Variants in ZFHX4 observed in about 807,000 individuals in gnomAD.
ZFHX4 encodes the protein zinc finger homeobox 4.
In ZFHX4, 56 loss-of-function variants were observed where a neutral mutation model predicts 267.6. The ratio of observed to expected loss-of-function variants is 0.21; its 90% CI spans 0.17 to 0.26. The LOEUF (loss-of-function observed/expected upper bound fraction) is 0.26, where lower values mean the gene tolerates loss of function less well. ZFHX4 is among the 10% of genes least tolerant of loss of function. The pLI is 1.00. For synonymous variants in ZFHX4, 1,778 were observed against 1,665.6 expected (o/e 1.07, Z -1.64); for missense variants, 4,332 against 4,420.0 (o/e 0.98, Z 0.56).
At chr8:76,856,460 C>T (rs1013625149) in intron 10 of ZFHX4, 160 bp downstream of exon 10, 2 of 871,212 alleles carry the variant, frequency 2.3e-6, no homozygotes. Context: ...AGCTAATTAC[C>T]AGGAAGTAGG....
intron 4 of ZFHX4, among the ~76,000 whole-genome samples, chr8:76,817,912 A>G (rs12334784): frequency 0.053 from 8,082 of 152,278 alleles, 388 homozygotes; most frequent in African/African-American, 0.13. Context: ...TTCTACTACT[A>G]CCATTATTGG....
At chr8:76,773,034 T>C (rs1366436823) in intron 3 of ZFHX4, among the ~76,000 whole-genome samples, 1 of 152,158 alleles carries the variant, frequency 6.6e-6, no homozygotes, top group African/African-American at 2.4e-5. Flanking sequence ...AACTTATTTC[T>C]TTAGGCCACG....
chr8:76,807,315 CT>C (rs1344051829), intron 4 of ZFHX4, among the ~76,000 whole-genome samples: 1 of 151,854 alleles, frequency 6.6e-6, no homozygotes, highest in Non-Finnish European at 1.5e-5. Flanking sequence ...AAAGGCTAAC[CT>C]TTAAATTACT....
chr8:76,726,266 G>A (rs1563486724), intron 3 of ZFHX4, among the ~76,000 whole-genome samples: 1 of 151,954 alleles, frequency 6.6e-6, no homozygotes, highest in African/African-American at 2.4e-5. Flanking sequence ...CAGACTGCAA[G>A]TTCTTCCCAG....
intron 4 of ZFHX4, among the ~76,000 whole-genome samples, chr8:76,804,804 T>A (rs1811206245): frequency 6.6e-6 from 1 of 152,082 alleles, no homozygotes; most frequent in African/African-American, 2.4e-5. Context: ...CATGGCGAAA[T>A]TCCACAGCTG....
At chr8:76,759,365 A>G (rs1585916377) in intron 3 of ZFHX4, among the ~76,000 whole-genome samples, 2 of 152,198 alleles carry the variant, frequency 1.3e-5, no homozygotes, top group East Asian at 3.8e-4. Flanking sequence ...TGGGTAGTTT[A>G]TTAAGTGTAA....
At position 76,856,202 on chromosome 8, in the gene ZFHX4, T is replaced by C; in HGVS notation, c.9281T>C (p.Leu3094Pro). 1 of 1,613,964 alleles carries C rather than the reference T, an allele frequency of 6.2e-7. No homozygotes were observed. Residue 3094 changes from leucine to proline, a missense_variant, in exon 10 of 11, where the codon CTG (leucine) becomes CCG (proline). By Grantham distance (98) the Leu-to-Pro change is moderately conservative. Coordinates refer to ENST00000651372, the MANE Select transcript of ZFHX4 (RefSeq NM_024721.5). ...AGCAGTTCTCTCCACGGCATCAGCC[T>C]GCCAACAGCCTACCCCGGACTCCCC... ...MDSSSLHGIS[L>P]PTAYPGLPGL...
At position 76,865,701 on chromosome 8, in the gene ZFHX4, T is replaced by C. The variant is rs527442327; in HGVS notation, c.*1136T>C. On this transcript the variant is annotated 3_prime_UTR_variant, in exon 11 of 11. Coordinates refer to ENST00000651372, the MANE Select transcript of ZFHX4 (RefSeq NM_024721.5). Reference sequence around the variant, plus strand: ...TTCTCGGGAAAGCAAAGAAGCTGCTTTAAAAAATAAAAAGGGGACTAAAAA... The same window carrying C: ...TTCTCGGGAAAGCAAAGAAGCTGCTCTAAAAAATAAAAAGGGGACTAAAAA... 10 of 152,666 alleles carry C rather than the reference T, an allele frequency of 6.6e-5. No homozygotes were observed. In the South Asian group the frequency reaches 2.1e-3, roughly 32 times the overall value. 9.5% of individuals were successfully genotyped at this position (152,666 alleles called of 1,614,324 possible).
chr8:76,759,323 T>C (rs1006589507), intron 3 of ZFHX4, among the ~76,000 whole-genome samples: 30 of 152,256 alleles, frequency 2.0e-4, no homozygotes, highest in Non-Finnish European at 2.4e-4. Context: ...GCTCTTGGTC[T>C]TAATCATTAC....
chr8:76,858,941 A>C (rs1812800523), intron 10 of ZFHX4, among the ~76,000 whole-genome samples: 1 of 152,164 alleles, frequency 6.6e-6, no homozygotes, highest in African/African-American at 2.4e-5. Flanking sequence ...CATCCCTTTG[A>C]AAGTAGGTTC....
chr8:76,844,299 C>T (rs1408287530), intron 6 of ZFHX4, among the ~76,000 whole-genome samples: 2 of 152,118 alleles, frequency 1.3e-5, no homozygotes, highest in African/African-American at 2.4e-5. Flanking sequence ...AGTACCAAAA[C>T]AGATTGTGGA....
chr8:76,760,158 A>G (rs1490313029), intron 3 of ZFHX4, among the ~76,000 whole-genome samples: 1 of 152,046 alleles, frequency 6.6e-6, no homozygotes, highest in Admixed American at 6.6e-5. Context: ...ATTTTTTATT[A>G]TTTCTCCTAA....
chr8:76,744,202 C>T (rs937779723), intron 3 of ZFHX4, among the ~76,000 whole-genome samples: 11 of 151,944 alleles, frequency 7.2e-5, no homozygotes, highest in African/African-American at 2.4e-4. Context: ...AAAAATTAGT[C>T]GGGTGTGGTG....
At position 76,705,419 on chromosome 8, in the gene ZFHX4, A is replaced by G; in HGVS notation, c.1331A>G (p.Asn444Ser). ...TCAGAGAGCAAAGACCAAGAGAACA[A>G]CTGTGAAAGGCCAAAAGAAAGCAAC... ...KMSESKDQEN[N>S]CERPKESNVL... Residue 444 changes from asparagine to serine, a missense_variant, in exon 2 of 11, where the codon AAC (asparagine) becomes AGC (serine). Asn to Ser is a conservative substitution (Grantham distance 46). Around this residue, in one of 7 missense-constraint regions of ZFHX4, gnomAD observed 1,195 missense variants for 1,173.6 expected, o/e 1.02. Coordinates refer to ENST00000651372, the MANE Select transcript of ZFHX4 (RefSeq NM_024721.5). 6.2e-7 allele frequency: 1 copy of G among 1,613,862 alleles called. No homozygotes were observed. The highest frequency in any genetic ancestry group is 1.6e-4 in the Middle Eastern group (1 of 6,062).
chr8:76,734,704 C>A (rs780234669), intron 3 of ZFHX4, among the ~76,000 whole-genome samples: 26 of 151,954 alleles, frequency 1.7e-4, no homozygotes, highest in Non-Finnish European at 3.1e-4. Context: ...TAAAGATTTG[C>A]AATAAAGCAT....
Position 76,781,544 on chromosome 8 carries a change from A to AGACCCAGTC in ZFHX4, c.3325+3105_3325+3106insGACCCAGTC, listed in dbSNP as rs1810547203. Among the ~76,000 whole-genome samples, 3 of 152,212 alleles carry AGACCCAGTC rather than the reference A, an allele frequency of 2.0e-5. No homozygotes were observed. In the East Asian group the frequency reaches 5.8e-4, roughly 29 times the overall value. On this transcript the variant is annotated intron_variant, in intron 4 of 10. Coordinates refer to ENST00000651372, the MANE Select transcript of ZFHX4 (RefSeq NM_024721.5). Reference sequence around the variant, plus strand: ...CCTGGTTCTTAAACTGGGTTTCTTAACTTTTCATTTGATTTTGTTGGCATT... The same window carrying AGACCCAGTC: ...CCTGGTTCTTAAACTGGGTTTCTTAAGACCCAGTCCTTTTCATTTGATTTTGTTGGCATT...
At chr8:76,762,908 T>C (rs957728472) in intron 3 of ZFHX4, among the ~76,000 whole-genome samples, 1 of 152,212 alleles carries the variant, frequency 6.6e-6, no homozygotes, top group Non-Finnish European at 1.5e-5. Context: ...AGGAAGATAC[T>C]TGAGAAGCAA....
At chr8:76,807,295 G>A (rs750299305) in intron 4 of ZFHX4, among the ~76,000 whole-genome samples, 6 of 151,940 alleles carry the variant, frequency 3.9e-5, no homozygotes, top group Non-Finnish European at 5.9e-5. Context: ...ACGGTGCACA[G>A]AGAAAAACTA....
At chr8:76,824,998 C>T (rs1811748099) in intron 4 of ZFHX4, among the ~76,000 whole-genome samples, 1 of 152,082 alleles carries the variant, frequency 6.6e-6, no homozygotes, top group Non-Finnish European at 1.5e-5. Flanking sequence ...CTTAAGAAAT[C>T]GATGTTTAGT....
Sources: gnomAD v4.1 joint callset for allele counts (sites outside exome capture counted in the v4.1 genomes callset) on GRCh38, gnomAD v4.1.1 for gene constraint, gnomAD v4.1.1 regional missense constraint, MANE v1.5 for transcripts, NCBI Gene and HGNC (gene_info 2026-07-23, HGNC 2026-07-21) for gene names.